RNF213: variants seen among roughly 807,000 people sequenced by gnomAD.
The protein encoded by RNF213 is ring finger protein 213, also known as E3 ubiquitin-protein ligase RNF213.
In RNF213, 341 loss-of-function variants were observed where a neutral mutation model predicts 514.4. The ratio of observed to expected loss-of-function variants is 0.66; its 90% CI spans 0.61 to 0.73. The LOEUF is 0.73. RNF213 is among the 30% of genes least tolerant of loss of function. The pLI, the probability that RNF213 is intolerant of heterozygous loss-of-function variation, is 0.00. For missense variants in RNF213, 5,767 were observed against 6,615.6 expected (o/e 0.87, Z 4.45); for synonymous variants, 2,655 against 2,658.2 (o/e 1.00, Z 0.04).
chr17:80,289,604 A>AG, intron 5 of RNF213, 55 bp from the exon 6 acceptor site: 20 of 1,581,050 alleles, frequency 1.3e-5, no homozygotes, highest in Admixed American at 1.8e-5. Flanking sequence ...AAAAAAAAAA[A>AG]AAAAGAAAAT....
intron 39 of RNF213, 53 bp downstream of exon 39, chr17:80,361,941 A>T (rs1288759353): frequency 3.8e-6 from 6 of 1,571,742 alleles, no homozygotes; most frequent in Non-Finnish European, 5.2e-6. Context: ...CATGATGGGG[A>T]CTGGATGCAG....
At position 80,328,344 on chromosome 17, in the gene RNF213, A is replaced by T. The variant is rs1373558692; in HGVS notation, c.3384A>T (p.Ser1128=). ...DIWQLREKSL[S]PQDEQCAVEE... Reference sequence around the variant, plus strand: ...ATTTTCCAGGGGAAAAAAGTCTTTCACCCCAGGATGAACAATGTGCTGTGG... The same window carrying T: ...ATTTTCCAGGGGAAAAAAGTCTTTCTCCCCAGGATGAACAATGTGCTGTGG... Residue 1128 remains serine (S), a synonymous_variant, in exon 20 of 68, where the codon TCA becomes TCT. Coordinates refer to ENST00000582970, the MANE Select transcript of RNF213 (RefSeq NM_001256071.3). 6.5e-7 allele frequency: 1 copy of T among 1,535,282 alleles called. No homozygotes were observed. The highest frequency in any genetic ancestry group is 2.4e-5 in the East Asian group (1 of 40,904).
At chr17:80,305,266 C>G (rs954351161) in intron 11 of RNF213, among the ~76,000 whole-genome samples, 1 of 151,208 alleles carries the variant, frequency 6.6e-6, no homozygotes, top group African/African-American at 2.5e-5. Flanking sequence ...GCAACCTCTG[C>G]CTCCTGGGTT....
chr17:80,269,415 CCA>C (rs2043729028), intron 2 of RNF213, among the ~76,000 whole-genome samples: 2 of 149,528 alleles, frequency 1.3e-5, no homozygotes, highest in South Asian at 2.2e-4. Flanking sequence ...ATCTATCCAT[CCA>C]TCCATCCATT....
chr17:80,334,260 G>A lies in RNF213; in HGVS notation c.4299G>A (p.Glu1433=), dbSNP rs2077919985. ...LRKEFICWVR[E]ALGGINELKV... The stretch of plus-strand genomic sequence containing the variant: ...AGGAGTTCATCTGCTGGGTCCGGGA[G>A]GCTCTTGGAGGTAAAATCAGCCTTT... The change falls in exon 22 of 68, where the codon GAG becomes GAA. Residue 1433 remains glutamate (E), a synonymous_variant. Coordinates refer to ENST00000582970, the MANE Select transcript of RNF213 (RefSeq NM_001256071.3). 6.5e-7 allele frequency: 1 copy of A among 1,533,552 alleles called. No individual in the cohort carries two copies. The allele number at this position is 1,533,552 out of a possible 1,614,324, so 95.0% of individuals were successfully genotyped here.
In RNF213 at chr17:80,348,141, G is replaced by T. The variant is rs377303933; in HGVS notation, c.9806G>T (p.Arg3269Leu). The T allele has an allele frequency of 6.2e-7, 1 of 1,613,956 alleles. No individual in the cohort carries two copies. Among genetic ancestry groups the T allele is most frequent in the Non-Finnish European group, 8.5e-7 (1 of 1,180,058 alleles). The change falls in exon 29 of 68, where the codon CGG becomes CTG. Residue 3269 changes from arginine (R) to leucine (L), a missense_variant. Physicochemically the swap from Arg to Leu is moderately radical, Grantham distance 102 (BLOSUM62 -2). This residue lies in a region of RNF213 where 919 missense variants were observed against 1,121.0 expected (regional missense o/e 0.82). Coordinates refer to ENST00000582970, the MANE Select transcript of RNF213 (RefSeq NM_001256071.3). ...LNCATPDAVV[R>L]LSAYSLGGFA... ...TGCGCTACGCCCGATGCCGTGGTCC[G>T]GCTGAGCGCCTACTCGCTGGGCGGG...
intron 37 of RNF213, among the ~76,000 whole-genome samples, chr17:80,359,548 AAAAAG>A: frequency 6.7e-6 from 1 of 149,338 alleles, no homozygotes; most frequent in South Asian, 2.1e-4. Flanking sequence ...AAAAAAAAAA[AAAAAG>A]AGTGAGAGAG....
In RNF213 at chr17:80,340,286, C is replaced by A. The variant is rs146220804; in HGVS notation, c.5919C>A (p.Thr1973=). 5.9e-5 allele frequency: 96 copies of A among 1,613,896 alleles called. No homozygotes were observed. Among genetic ancestry groups the A allele is most frequent in the Non-Finnish European group, 7.9e-5 (93 of 1,180,036 alleles). Residue 1973 remains threonine (T), a synonymous_variant, in exon 26 of 68, where the codon ACC becomes ACA. Transcript: ENST00000582970. ...GTCACTACCGGGTCCCGAAGCAGAC[C>A]CTGTCGGCGGCAGCCGTGTTCAATG... ...LAGHYRVPKQ[T]LSAAAVFNDR...
At chr17:80,313,356 G>A (rs926326403) in intron 15 of RNF213, among the ~76,000 whole-genome samples, 189 bp downstream of exon 15, 13 of 152,360 alleles carry the variant, frequency 8.5e-5, no homozygotes, top group East Asian at 1.9e-4. Flanking sequence ...GACAGATGCC[G>A]GGTGCAAAGT....
chr17:80,292,021 G>A (rs2044748810), intron 8 of RNF213, 194 bp downstream of exon 8: 3 of 665,370 alleles, frequency 4.5e-6, no homozygotes, highest in South Asian at 3.3e-5. Context: ...GGTTAAAGAT[G>A]TGTTGGCTTC....
chr17:80,311,396 G>A (rs534421198), intron 14 of RNF213, among the ~76,000 whole-genome samples: 12 of 152,188 alleles, frequency 7.9e-5, no homozygotes, highest in Non-Finnish European at 1.8e-4. Context: ...ATTGGCCATC[G>A]CTGTCCAGCC....
chr17:80,273,228 T>C lies in RNF213; in HGVS notation c.98-13T>C, dbSNP rs757185747. On this transcript the variant is annotated splice_polypyrimidine_tract_variant and intron_variant, in intron 2 of 67. Transcript: ENST00000582970. ...TCTCTGAGATCTGACCCTTCCTTCA[T>C]CTGCCGTTACAGATTCTGAGAACAA... 1 of 1,613,224 alleles carries C rather than the reference T, an allele frequency of 6.2e-7. No individual in the cohort carries two copies. The highest frequency in any genetic ancestry group is 8.5e-7 in the Non-Finnish European group (1 of 1,179,864).
intron 38 of RNF213, chr17:80,360,514 G>A: frequency 2.5e-6 from 1 of 401,932 alleles, no homozygotes; most frequent in Non-Finnish European, 4.7e-6. Flanking sequence ...GGCAAGAGGA[G>A]GACTGTCGCC....
intron 42 of RNF213, among the ~76,000 whole-genome samples, chr17:80,366,070 T>C (rs1431730437): frequency 6.6e-6 from 1 of 152,230 alleles, no homozygotes; most frequent in Non-Finnish European, 1.5e-5. Context: ...GCCTGACTTG[T>C]ACCCCTACCC....
At chr17:80,358,687 G>T (rs986958463) in intron 37 of RNF213, among the ~76,000 whole-genome samples, 1 of 152,144 alleles carries the variant, frequency 6.6e-6, no homozygotes, top group Non-Finnish European at 1.5e-5. Flanking sequence ...GAGGCAGGTG[G>T]ATCATGAGGT....
intron 19 of RNF213, 90 bp from the exon 20 acceptor site, chr17:80,328,238 C>A: frequency 1.4e-6 from 2 of 1,383,806 alleles, no homozygotes; most frequent in Non-Finnish European, 1.9e-6. Context: ...CTCCTGGTGG[C>A]GGGGAAGGTG....
rs189492831 is a variant in RNF213 at position 80,273,221 on chromosome 17, T to C, written c.98-20T>C. On this transcript the variant is annotated intron_variant, in intron 2 of 67. Transcript: ENST00000582970. ...TCGCTTCTCTCTGAGATCTGACCCT[T>C]CCTTCATCTGCCGTTACAGATTCTG... The C allele has an allele frequency of 6.2e-7, 1 of 1,613,194 alleles. No homozygotes were observed. The highest frequency in any genetic ancestry group is 2.2e-5 in the East Asian group (1 of 44,872).
Position 80,346,417 on chromosome 17 carries a change from T to C in RNF213, c.8082T>C (p.His2694=), listed in dbSNP as rs2078313590. The part of the protein sequence containing the change: ...SLMLAIGVCY[H]ASLEKKDSYR... Reference sequence around the variant, plus strand: ...TGCTGGCCATCGGGGTGTGTTACCATGCCTCTTTAGAAAAGAAAGACTCAT... The same window carrying C: ...TGCTGGCCATCGGGGTGTGTTACCACGCCTCTTTAGAAAAGAAAGACTCAT... Residue 2694 remains histidine (H), a synonymous_variant, in exon 29 of 68, where the codon CAT becomes CAC. Transcript: ENST00000582970. The surrounding 1 kb of genome is among the most constrained non-coding windows in gnomAD (Gnocchi z 8.1). 3.1e-6 allele frequency: 5 copies of C among 1,613,398 alleles called. No individual in the cohort carries two copies. Among genetic ancestry groups the C allele is most frequent in the Non-Finnish European group, 4.2e-6 (5 of 1,180,014 alleles).
chr17:80,262,653 C>CTGAGTA (rs1491237652), intron 1 of RNF213, among the ~76,000 whole-genome samples: 2 of 152,178 alleles, frequency 1.3e-5, no homozygotes, highest in African/African-American at 4.8e-5. Context: ...CCCAGAACTC[C>CTGAGTA]TGAGTATGTG....
Sources: gnomAD v4.1 joint callset for allele counts (sites outside exome capture counted in the v4.1 genomes callset) on GRCh38, gnomAD v4.1.1 for gene constraint, gnomAD v4.1.1 regional missense constraint, Gnocchi (gnomAD v3.1) non-coding constraint, MANE v1.5 for transcripts, NCBI Gene and HGNC (gene_info 2026-07-23, HGNC 2026-07-21) for gene names.